Variants in CNKSR3 observed in about 807,000 individuals in gnomAD.
The protein encoded by CNKSR3 is CNKSR family member 3, also known as connector enhancer of kinase suppressor of ras 3.
CNKSR3 carries 36 observed loss-of-function variants against 67.7 expected under a neutral mutation model. The observed-to-expected ratio is 0.53, with a 90% confidence interval of 0.41 to 0.70. The LOEUF (loss-of-function observed/expected upper bound fraction) is 0.70, where lower values mean the gene tolerates loss of function less well. Ranked by LOEUF, CNKSR3 falls within the 30% of genes least tolerant of loss-of-function variation. CNKSR3 has a pLI of 0.00. For missense variants in CNKSR3, 630 were observed against 695.2 expected, an observed-to-expected ratio of 0.91 and a Z score of 1.05; for synonymous variants, 281 against 271.4, an observed-to-expected ratio of 1.04 and a Z score of -0.35.
Position 154,405,662 on chromosome 6 carries a change from TA to T in CNKSR3, c.*691del. 6.6e-6 allele frequency: 1 copy of T among 152,244 alleles called. No individual in the cohort carries two copies. The highest frequency in any genetic ancestry group is 3.2e-3 in the Middle Eastern group (1 of 316). The allele number at this position is 152,244 out of a possible 1,614,324, so 9.4% of individuals were successfully genotyped here. ...TTCTTTTCCCTTAAAGACAATAATA[TA>T]TAACAACACCACCCCACACAAATAA... On this transcript the variant is annotated 3_prime_UTR_variant, in exon 13 of 13. Transcript: ENST00000607772.
intron 1 of CNKSR3, among the ~76,000 whole-genome samples, chr6:154,485,626 C>T (rs1243717698): frequency 2.0e-5 from 3 of 152,194 alleles, no homozygotes; most frequent in African/African-American, 2.4e-5. Context: ...GCGTGATTCA[C>T]GTCACTCCAG....
intron 1 of CNKSR3, among the ~76,000 whole-genome samples, chr6:154,501,707 C>T (rs1786998807): frequency 6.6e-6 from 1 of 152,188 alleles, no homozygotes; most frequent in African/African-American, 2.4e-5. Flanking sequence ...CTTCACCTCT[C>T]TGCTTTATTT....
intron 4 of CNKSR3, among the ~76,000 whole-genome samples, chr6:154,438,375 T>TA (rs1785515860): frequency 6.6e-6 from 1 of 152,170 alleles, no homozygotes; most frequent in South Asian, 2.1e-4. Flanking sequence ...GTGTTTTATA[T>TA]ATACACACAC....
chr6:154,479,977 T>C (rs1786532893), intron 1 of CNKSR3, among the ~76,000 whole-genome samples: 1 of 152,196 alleles, frequency 6.6e-6, no homozygotes, highest in Non-Finnish European at 1.5e-5. Flanking sequence ...GCAGTGGCCC[T>C]TGTGGGGCAG....
At chr6:154,424,246 A>G (rs58638524) in intron 7 of CNKSR3, among the ~76,000 whole-genome samples, 10,521 of 150,162 alleles carry the variant, frequency 0.07, 800 homozygotes, top group African/African-American at 0.19. Flanking sequence ...AAAAAAAAAA[A>G]AAGAAAAGAA....
At chr6:154,454,238 C>T (rs1785905074) in intron 1 of CNKSR3, among the ~76,000 whole-genome samples, 1 of 151,980 alleles carries the variant, frequency 6.6e-6, no homozygotes, top group African/African-American at 2.4e-5. Context: ...AATGAGAATA[C>T]TAATACTACC....
At chr6:154,483,323 C>G (rs74514171) in intron 1 of CNKSR3, among the ~76,000 whole-genome samples, 2 of 152,168 alleles carry the variant, frequency 1.3e-5, no homozygotes, top group Admixed American at 1.3e-4. Context: ...GATGCACTCT[C>G]GGCAGCCTCT....
rs1285370378 is a variant in CNKSR3, at chr6:154,401,931, C to T, written c.*4423G>A. The T allele has an allele frequency of 6.6e-6, 1 of 151,812 alleles. No homozygotes were observed. Among genetic ancestry groups the T allele is most frequent in the African/African-American group, 2.4e-5 (1 of 41,274 alleles). The allele number at this position is 151,812 out of a possible 1,614,324, so 9.4% of individuals were successfully genotyped here. A position where few individuals can be genotyped will look rare whatever the true frequency, so the allele number is the denominator to read the frequency against. ...CAATACCTCAGGGTTTGCTGCAATA[C>T]TAACAACCTAAAGAGGAATGTTCAT... On this transcript the variant is annotated 3_prime_UTR_variant, in exon 13 of 13. Coordinates refer to ENST00000607772, the MANE Select transcript of CNKSR3 (RefSeq NM_173515.4).
chr6:154,505,502 T>A (rs151013288), intron 1 of CNKSR3, among the ~76,000 whole-genome samples: 8,403 of 136,304 alleles, frequency 0.062, 334 homozygotes, highest in Middle Eastern at 0.089. Context: ...TATTATTTTT[T>A]TTTTTTTTTT....
rs1313476157 is a variant in CNKSR3 at position 154,393,799 on chromosome 6, ATTAG to A, written c.*12551_*12554del. 3 of 152,246 alleles carry A rather than the reference ATTAG, an allele frequency of 2.0e-5. No homozygotes were observed. Among genetic ancestry groups the A allele is most frequent in the African/African-American group, 7.2e-5 (3 of 41,466 alleles). The allele number at this position is 152,246 out of a possible 1,614,324, so 9.4% of individuals were successfully genotyped here. A position where few individuals can be genotyped will look rare whatever the true frequency, so the allele number is the denominator to read the frequency against. ...TAATAAATCATAATAGAAATTAAAAATTAGTTAGAATTAAAGAGTAATGAAAATG... is the reference window on the plus strand; with the variant it reads ...TAATAAATCATAATAGAAATTAAAAATTAGAATTAAAGAGTAATGAAAATG... On this transcript the variant is annotated 3_prime_UTR_variant, in exon 13 of 13. Coordinates refer to ENST00000607772, the MANE Select transcript of CNKSR3 (RefSeq NM_173515.4).
In CNKSR3 at chr6:154,398,410, T is replaced by A. The variant is rs1394157157; in HGVS notation, c.*7944A>T. The A allele has an allele frequency of 6.6e-6, 1 of 152,216 alleles. No individual in the cohort carries two copies. Among genetic ancestry groups the A allele is most frequent in the African/African-American group, 2.4e-5 (1 of 41,450 alleles). The allele number at this position is 152,216 out of a possible 1,614,324, so 9.4% of individuals were successfully genotyped here. On this transcript the variant is annotated 3_prime_UTR_variant, in exon 13 of 13. Coordinates refer to ENST00000607772, the MANE Select transcript of CNKSR3 (RefSeq NM_173515.4). ...TACTTCCCTTTGTCTCTCCCATAGC[T>A]TCTCTTTCCTTTTCACTTCCTGGAC...
In CNKSR3 at chr6:154,398,612, G is replaced by C. The variant is rs1784684965; in HGVS notation, c.*7742C>G. ...TTTATTTAAAACCACAGGAAACATA[G>C]AAACGAGTTTGAGGAATACCACTTC... On this transcript the variant is annotated 3_prime_UTR_variant, in exon 13 of 13. Coordinates refer to ENST00000607772, the MANE Select transcript of CNKSR3 (RefSeq NM_173515.4). The C allele has an allele frequency of 6.6e-6, 1 of 152,184 alleles. No homozygotes were observed. 9.4% of individuals were successfully genotyped at this position (152,184 alleles called of 1,614,324 possible).
chr6:154,450,386 G>C, intron 1 of CNKSR3, 128 bp from the exon 2 acceptor site: 1 of 935,616 alleles, frequency 1.1e-6, no homozygotes, highest in Non-Finnish European at 1.6e-6. Flanking sequence ...TTATCTATGT[G>C]AGGCCTATTG....
At position 154,510,391 on chromosome 6, in the gene CNKSR3, C is replaced by T. The variant is rs552469114; in HGVS notation, c.-277G>A. 126 of 500,550 alleles carry T rather than the reference C, an allele frequency of 2.5e-4. No homozygotes were observed. The highest frequency in any genetic ancestry group is 2.5e-3 in the African/African-American group (119 of 48,286). The allele number at this position is 500,550 out of a possible 1,614,324, so 31.0% of individuals were successfully genotyped here. The stretch of plus-strand genomic sequence containing the variant: ...CACAGCTGCTGCTCCCGAGCGACGG[C>T]AGCTGCAGGCACGCCGGGCTGCGAC... On this transcript the variant is annotated 5_prime_UTR_variant, in exon 1 of 13. Transcript: ENST00000607772.
rs1394931995 is a variant in CNKSR3, at chr6:154,389,769, A to G, written c.*16585T>C. 1 of 152,256 alleles carries G rather than the reference A, an allele frequency of 6.6e-6. No individual in the cohort carries two copies. The highest frequency in any genetic ancestry group is 1.5e-5 in the Non-Finnish European group (1 of 68,042). 9.4% of individuals were successfully genotyped at this position (152,256 alleles called of 1,614,324 possible). A position where few individuals can be genotyped will look rare whatever the true frequency, so the allele number is the denominator to read the frequency against. ...ATACATTAACACAGAACTATCTAAA[A>G]AGGAAATTAGCGAAACAATCCCATA... is the stretch of plus-strand genomic sequence containing the variant. On this transcript the variant is annotated 3_prime_UTR_variant, in exon 13 of 13. Transcript: ENST00000607772.
chr6:154,473,520 G>A (rs896577762), intron 1 of CNKSR3, among the ~76,000 whole-genome samples: 2 of 152,148 alleles, frequency 1.3e-5, no homozygotes, highest in African/African-American at 2.4e-5. Context: ...CTCCTGCCAC[G>A]ATGCTGGGGG....
intron 1 of CNKSR3, among the ~76,000 whole-genome samples, chr6:154,471,149 A>AT (rs1218496165): frequency 6.6e-6 from 1 of 152,192 alleles, no homozygotes; most frequent in African/African-American, 2.4e-5. Flanking sequence ...TACCCTCATG[A>AT]TTTTACCAAA....
At chr6:154,460,362 A>G (rs1025287435) in intron 1 of CNKSR3, among the ~76,000 whole-genome samples, 3 of 152,168 alleles carry the variant, frequency 2.0e-5, no homozygotes, top group African/African-American at 7.2e-5. Context: ...GAAACACAAC[A>G]TTGACTTATA....
At chr6:154,483,104 A>G (rs1786598160) in intron 1 of CNKSR3, among the ~76,000 whole-genome samples, 1 of 152,192 alleles carries the variant, frequency 6.6e-6, no homozygotes, top group Non-Finnish European at 1.5e-5. Context: ...ATCTTGGACG[A>G]AGGACAGGAA....
Sources: allele counts gnomAD v4.1 joint callset (sites outside exome capture counted in the v4.1 genomes callset), GRCh38; gene constraint gnomAD v4.1.1; transcripts MANE v1.5; gene names NCBI Gene and HGNC (gene_info 2026-07-23, HGNC 2026-07-21).